EDARADD: variants seen among roughly 807,000 people sequenced by gnomAD.
EDARADD encodes the protein EDAR associated via death domain.
EDARADD carries 20 observed loss-of-function variants against 25.6 expected under a neutral mutation model. That is an observed-to-expected ratio of 0.78 (90% CI 0.55 to 1.14). The LOEUF is 1.14. Among genes scored for constraint, EDARADD ranks in the 50% most tolerant of loss-of-function variants. EDARADD has a pLI of 0.00. For missense variants in EDARADD, 225 were observed against 270.1 expected (o/e 0.83, Z 1.17); for synonymous variants, 86 against 94.4 (o/e 0.91, Z 0.52).
chr1:236,456,528 CG>C (rs1282606911), intron 4 of EDARADD, among the ~76,000 whole-genome samples: 2 of 152,102 alleles, frequency 1.3e-5, no homozygotes, highest in Admixed American at 6.6e-5. Flanking sequence ...TTCCCTTCCT[CG>C]GCCTGTGACA....
rs529493430 is a variant in EDARADD, at chr1:236,450,833, G to A, written c.220-17398G>A. On this transcript the variant is annotated intron_variant, in intron 4 of 5. Coordinates refer to ENST00000334232, the MANE Select transcript of EDARADD (RefSeq NM_145861.4). ...CAAAGTGCTGAGATTACAGGCGTGA[G>A]TCACTGCATCCAGCCTAACTCATAT... Among the ~76,000 whole-genome samples, 3 of 152,264 alleles carry A rather than the reference G, an allele frequency of 2.0e-5. No homozygotes were observed. In the East Asian group the frequency reaches 5.8e-4, roughly 29 times the overall value.
intron 3 of EDARADD, among the ~76,000 whole-genome samples, chr1:236,356,756 C>CAA (rs10550022): frequency 1.3e-5 from 2 of 148,302 alleles, no homozygotes; most frequent in African/African-American, 4.9e-5. Flanking sequence ...CAAAACAAAA[C>CAA]AAAAAAAAAA....
intron 4 of EDARADD, among the ~76,000 whole-genome samples, chr1:236,465,195 G>A (rs1659153754): frequency 6.6e-6 from 1 of 152,046 alleles, no homozygotes; most frequent in South Asian, 2.1e-4. Context: ...ACCTCCACAT[G>A]TCCTGTTCCC....
intron 3 of EDARADD, among the ~76,000 whole-genome samples, chr1:236,355,869 T>C (rs1030258466): frequency 1.3e-5 from 2 of 152,072 alleles, no homozygotes; most frequent in Non-Finnish European, 2.9e-5. Flanking sequence ...ACCAAACCCA[T>C]GACCGGTTCT....
At position 236,407,456 on chromosome 1, in the gene EDARADD, T is replaced by C. The variant is rs1667759516; in HGVS notation, c.62-1760T>C. On this transcript the variant is annotated intron_variant, in intron 1 of 5. Coordinates refer to ENST00000334232, the MANE Select transcript of EDARADD (RefSeq NM_145861.4). ...AACTTCTTTGGGCATTATCAACACC[T>C]GCAGGGCAAAGAAACTGTGGAAAGT... Among the ~76,000 whole-genome samples, 3 of 152,334 alleles carry C rather than the reference T, an allele frequency of 2.0e-5. No homozygotes were observed. In the South Asian group the frequency reaches 6.2e-4, roughly 32 times the overall value.
chr1:236,418,621 C>T (rs529016750), intron 3 of EDARADD, among the ~76,000 whole-genome samples: 46 of 152,244 alleles, frequency 3.0e-4, no homozygotes, highest in Middle Eastern at 6.8e-3. Context: ...TTGGGGGTGC[C>T]TTTTAGAACA....
At chr1:236,432,174 C>T (rs1266978838) in intron 4 of EDARADD, among the ~76,000 whole-genome samples, 1 of 152,110 alleles carries the variant, frequency 6.6e-6, no homozygotes, top group Non-Finnish European at 1.5e-5. Flanking sequence ...GGTACGGAGG[C>T]TCACACCTGT....
chr1:236,483,463 C>A lies in EDARADD; in HGVS notation c.*814C>A. On this transcript the variant is annotated 3_prime_UTR_variant, in exon 6 of 6. Coordinates refer to ENST00000334232, the MANE Select transcript of EDARADD (RefSeq NM_145861.4). The stretch of plus-strand genomic sequence containing the variant: ...AAACTTATGATAGAGATGGATGGAA[C>A]AGAAAATAAATCTAAATTTGGTGCA... 1 of 1,035,376 alleles carries A rather than the reference C, an allele frequency of 9.7e-7. No homozygotes were observed. The highest frequency in any genetic ancestry group is 1.5e-6 in the Non-Finnish European group (1 of 654,798). The allele number at this position is 1,035,376 out of a possible 1,614,324, so 64.1% of individuals were successfully genotyped here.
At chr1:236,380,321 C>G (rs1667283769) in intron 3 of EDARADD, among the ~76,000 whole-genome samples, 1 of 152,030 alleles carries the variant, frequency 6.6e-6, no homozygotes, top group African/African-American at 2.4e-5. Flanking sequence ...ATCCATTTTA[C>G]TTTCATTTTT....
At position 236,414,301 on chromosome 1, in the gene EDARADD, TA is replaced by T. The variant is rs1192785653; in HGVS notation, c.160+3del. The T allele has an allele frequency of 6.2e-7, 1 of 1,606,130 alleles. No individual in the cohort carries two copies. Among genetic ancestry groups the T allele is most frequent in the East Asian group, 2.2e-5 (1 of 44,778 alleles). ...TTCAAGATACGGAACTCCCTAAAGGTATGTACAGTTAAAATAACTACTTGAA... is the reference window on the plus strand; with the variant it reads ...TTCAAGATACGGAACTCCCTAAAGGTTGTACAGTTAAAATAACTACTTGAA... On this transcript the variant is annotated splice_donor_region_variant and intron_variant, in intron 3 of 5. Transcript: ENST00000334232.
At chr1:236,424,154 CTTTTTTTTTTTTTTT>C (rs34454343) in intron 3 of EDARADD, among the ~76,000 whole-genome samples, 2 of 74,420 alleles carry the variant, frequency 2.7e-5, no homozygotes, top group Non-Finnish European at 4.9e-5. Flanking sequence ...TGTGAAGCAT[CTTTTTTTTTTTTTTT>C]TTTTTTTTTG....
chr1:236,445,097 T>G (rs1006007902), intron 4 of EDARADD, among the ~76,000 whole-genome samples: 1 of 152,126 alleles, frequency 6.6e-6, no homozygotes, highest in Non-Finnish European at 1.5e-5. Flanking sequence ...GCCATAATCA[T>G]TTACTTTTTT....
At chr1:236,366,143 G>T (rs894743544) in intron 3 of EDARADD, among the ~76,000 whole-genome samples, 1 of 152,092 alleles carries the variant, frequency 6.6e-6, no homozygotes, top group Non-Finnish European at 1.5e-5. Context: ...CTGCCTCTTC[G>T]CATGCCTGGA....
chr1:236,409,109 T>A, intron 1 of EDARADD, 107 bp from the exon 2 acceptor site: 3 of 583,822 alleles, frequency 5.1e-6, no homozygotes, highest in East Asian at 3.2e-5. Context: ...TTCTTCAGCC[T>A]AAGTAAAATT....
At chr1:236,481,295 C>G (rs1292962039) in intron 5 of EDARADD, among the ~76,000 whole-genome samples, 3 of 152,260 alleles carry the variant, frequency 2.0e-5, no homozygotes, top group African/African-American at 7.2e-5. Context: ...CGGCTGGTTA[C>G]TCACAGACAC....
chr1:236,398,444 C>T lies in EDARADD; in HGVS notation c.61+3939C>T, dbSNP rs966416679. Reference sequence around the variant, plus strand: ...GGATTCTGCCATTTGTCTGTGCTGGCTTTGAATCCGGTGCTGGCTTTCCAA... The same window carrying T: ...GGATTCTGCCATTTGTCTGTGCTGGTTTTGAATCCGGTGCTGGCTTTCCAA... On this transcript the variant is annotated intron_variant, in intron 1 of 5. Transcript: ENST00000334232. This position sits in a 1 kb window ranked among gnomAD's most constrained non-coding sequence, Gnocchi z 4.1. Among the ~76,000 whole-genome samples the T allele has an allele frequency of 6.6e-6, 1 of 152,232 alleles. No individual in the cohort carries two copies. The highest frequency in any genetic ancestry group is 1.5e-5 in the Non-Finnish European group (1 of 68,040).
upstream of EDARADD, among the ~76,000 whole-genome samples, chr1:236,393,391 C>CTTTCTTTTTT (rs1553264552): frequency 2.3e-5 from 2 of 87,212 alleles, no homozygotes; most frequent in African/African-American, 5.2e-5. Context: ...TTCTTTCTTT[C>CTTTCTTTTTT]TTTTTTTTTT....
At chr1:236,377,404 T>C (rs1667236072) in intron 3 of EDARADD, among the ~76,000 whole-genome samples, 1 of 150,266 alleles carries the variant, frequency 6.7e-6, no homozygotes, top group South Asian at 2.1e-4. Flanking sequence ...TATCTGCCCA[T>C]CTTGGCCTCC....
At chr1:236,351,698 G>T (rs1211287381) in intron 3 of EDARADD, among the ~76,000 whole-genome samples, 2 of 113,794 alleles carry the variant, frequency 1.8e-5, no homozygotes, top group Non-Finnish European at 3.6e-5. Flanking sequence ...AACAGAGCGA[G>T]ACTCTGTCTC....
Sources: gnomAD v4.1 joint callset for allele counts (sites outside exome capture counted in the v4.1 genomes callset) on GRCh38, gnomAD v4.1.1 for gene constraint, Gnocchi (gnomAD v3.1) non-coding constraint, MANE v1.5 for transcripts, NCBI Gene and HGNC (gene_info 2026-07-23, HGNC 2026-07-21) for gene names.